Variants in CCSER1 observed in about 807,000 individuals in gnomAD.
CCSER1 encodes coiled-coil serine rich protein 1, also known as serine-rich coiled-coil domain-containing protein 1.
A neutral mutation model predicts 82.0 loss-of-function variants in CCSER1; 41 were observed. That is an observed-to-expected ratio of 0.50 (90% confidence interval 0.39 to 0.65). CCSER1 has a LOEUF of 0.65. CCSER1 is among the 30% of genes least tolerant of loss of function. The pLI is 0.00. For missense variants in CCSER1, 1,119 were observed against 1,064.2 expected, an observed-to-expected ratio of 1.05 and a Z score of -0.72; for synonymous variants, 414 against 383.9, an observed-to-expected ratio of 1.08 and a Z score of -0.92.
At chr4:90,248,449 C>T (rs1225199726) in intron 1 of CCSER1, among the ~76,000 whole-genome samples, 3 of 152,092 alleles carry the variant, frequency 2.0e-5, no homozygotes, top group Non-Finnish European at 4.4e-5. Context: ...ACAGACCCTG[C>T]CTCTGAATCA....
chr4:91,536,641 T>C (rs1309997241), intron 10 of CCSER1, among the ~76,000 whole-genome samples: 1 of 152,130 alleles, frequency 6.6e-6, no homozygotes, highest in Non-Finnish European at 1.5e-5. Flanking sequence ...CTCAGCATTC[T>C]GTCACTTCCG....
intron 8 of CCSER1, among the ~76,000 whole-genome samples, chr4:90,905,645 G>A (rs1725355746): frequency 6.6e-6 from 1 of 151,996 alleles, no homozygotes; most frequent in Admixed American, 6.6e-5. Flanking sequence ...TTGCTTATTG[G>A]AAGTCTATCT....
rs1276092477 is a variant in CCSER1 at position 91,225,311 on chromosome 4, ATG to A, written c.2217+139319_2217+139320del. ...TAATATATATGTATATATATTATAT[ATG>A]TAATATATATGTATATATATTATAT... On this transcript the variant is annotated intron_variant, in intron 10 of 10. Coordinates refer to ENST00000509176, the MANE Select transcript of CCSER1 (RefSeq NM_001145065.2). 1.2e-3 allele frequency among the ~76,000 whole-genome samples: 153 copies of A among 128,348 alleles called. 3 individuals are homozygous for A. Among genetic ancestry groups the A allele is most frequent in the African/African-American group, 4.6e-3 (139 of 30,302 alleles). 84.2% of individuals were successfully genotyped at this position (128,348 alleles called of 152,430 possible). A position where few individuals can be genotyped will look rare whatever the true frequency, so the allele number is the denominator to read the frequency against.
chr4:90,653,044 A>G (rs1426326997), intron 6 of CCSER1, among the ~76,000 whole-genome samples: 1 of 144,020 alleles, frequency 6.9e-6, no homozygotes, highest in African/African-American at 2.6e-5. Flanking sequence ...CCACAAATGC[A>G]TTTCAAGTCG....
intron 1 of CCSER1, among the ~76,000 whole-genome samples, chr4:90,250,857 A>C (rs1722257127): frequency 1.3e-5 from 2 of 151,984 alleles, no homozygotes; most frequent in Admixed American, 1.3e-4. Flanking sequence ...AATGTCTTCA[A>C]TTTCTTTCAA....
intron 5 of CCSER1, among the ~76,000 whole-genome samples, chr4:90,554,362 C>T (rs1777872861): frequency 6.6e-6 from 1 of 152,060 alleles, no homozygotes; most frequent in Non-Finnish European, 1.5e-5. Context: ...GGGCAAAGCC[C>T]TGTCTCAAAA....
chr4:90,418,240 G>A (rs893434518), intron 4 of CCSER1, among the ~76,000 whole-genome samples: 2 of 151,938 alleles, frequency 1.3e-5, no homozygotes, highest in African/African-American at 4.8e-5. Context: ...ATATTTTTAA[G>A]AACTACTGCT....
chr4:90,140,113 A>T (rs915799270), intron 1 of CCSER1, among the ~76,000 whole-genome samples: 1 of 152,224 alleles, frequency 6.6e-6, no homozygotes, highest in Non-Finnish European at 1.5e-5. Flanking sequence ...CATTAATTGC[A>T]TTGATTAAAA....
At chr4:91,466,580 G>A (rs532155405) in intron 10 of CCSER1, among the ~76,000 whole-genome samples, 2 of 152,262 alleles carry the variant, frequency 1.3e-5, no homozygotes, top group Non-Finnish European at 2.9e-5. Flanking sequence ...CTTTGCAGAT[G>A]ACATGATGGC....
In CCSER1 at chr4:91,491,224, C is replaced by T. The variant is rs191697554; in HGVS notation, c.2218-107348C>T. On this transcript the variant is annotated intron_variant, in intron 10 of 10. Coordinates refer to ENST00000509176, the MANE Select transcript of CCSER1 (RefSeq NM_001145065.2). ...AATTTTCTCAACCAAAAAGTTAAGT[C>T]CTTCCACATGGTGCTTACATGTAAT... 1.6e-3 allele frequency among the ~76,000 whole-genome samples: 248 copies of T among 151,838 alleles called. 1 individual carries two copies. Among genetic ancestry groups the T allele is most frequent in the African/African-American group, 5.8e-3 (242 of 41,468 alleles).
intron 7 of CCSER1, among the ~76,000 whole-genome samples, chr4:90,758,150 C>G (rs1341188171): frequency 6.6e-6 from 1 of 152,130 alleles, no homozygotes. Context: ...GTTGGCCAGG[C>G]TGGGCTCGAA....
chr4:91,077,056 C>A (rs921277051), intron 9 of CCSER1, among the ~76,000 whole-genome samples: 5 of 149,432 alleles, frequency 3.3e-5, no homozygotes, highest in Middle Eastern at 3.2e-3. Flanking sequence ...CATGACCAGG[C>A]AAAGAACAAC....
intron 10 of CCSER1, among the ~76,000 whole-genome samples, chr4:91,384,567 TA>T (rs1426769984): frequency 6.6e-6 from 1 of 151,940 alleles, no homozygotes; most frequent in Non-Finnish European, 1.5e-5. Flanking sequence ...TGTGCAAGAA[TA>T]ATATAAAAAT....
In CCSER1 at chr4:91,165,182, G is replaced by A. The variant is rs187139255; in HGVS notation, c.2217+79188G>A. 5.3e-5 allele frequency among the ~76,000 whole-genome samples: 8 copies of A among 152,274 alleles called. No homozygotes were observed. The East Asian group carries it at 1.5e-3, about 29-fold the overall frequency. On this transcript the variant is annotated intron_variant, in intron 10 of 10. Transcript: ENST00000509176. ...CTGTTTGTTAGTTTTCCTTCTAAGA[G>A]TCAGGTCCCTCAGCTGCAGGTCTGT...
intron 10 of CCSER1, among the ~76,000 whole-genome samples, chr4:91,427,723 A>T (rs1197401719): frequency 6.6e-6 from 1 of 152,136 alleles, no homozygotes; most frequent in Non-Finnish European, 1.5e-5. Flanking sequence ...TTATAAAATA[A>T]TATAATAATT....
chr4:90,824,171 T>C (rs1760129311), intron 8 of CCSER1, among the ~76,000 whole-genome samples: 1 of 152,074 alleles, frequency 6.6e-6, no homozygotes, highest in African/African-American at 2.4e-5. Flanking sequence ...TTTCGTGTTA[T>C]TCAACCTACT....
chr4:90,970,944 A>C (rs1295558478), intron 9 of CCSER1, among the ~76,000 whole-genome samples: 1 of 151,982 alleles, frequency 6.6e-6, no homozygotes, highest in Non-Finnish European at 1.5e-5. Context: ...ATTTTATATC[A>C]ATAAATGCCC....
chr4:90,940,283 C>T (rs556264305), intron 9 of CCSER1, among the ~76,000 whole-genome samples: 4 of 151,668 alleles, frequency 2.6e-5, no homozygotes, highest in Admixed American at 1.3e-4. Context: ...TCCCTCCCTT[C>T]CTCCCTTCCT....
At chr4:90,648,932 C>T (rs1728217115) in intron 6 of CCSER1, among the ~76,000 whole-genome samples, 2 of 152,176 alleles carry the variant, frequency 1.3e-5, no homozygotes, top group African/African-American at 4.8e-5. Flanking sequence ...AAGAGAGTAA[C>T]ACGGTCTTAT....
Sources: gnomAD v4.1 joint callset for allele counts (sites outside exome capture counted in the v4.1 genomes callset) on GRCh38, gnomAD v4.1.1 for gene constraint, MANE v1.5 for transcripts, NCBI Gene and HGNC (gene_info 2026-07-23, HGNC 2026-07-21) for gene names.